The following EFNA5 variants were observed in gnomAD, a reference collection of about 807,000 sequenced individuals.
EFNA5 encodes the protein ephrin A5, also known as ephrin-A5.
Under a neutral mutation model 22.9 loss-of-function variants are expected in EFNA5, and 5 were observed. The ratio of observed to expected loss-of-function variants is 0.22; its 90% CI spans 0.11 to 0.46. The LOEUF (loss-of-function observed/expected upper bound fraction) is 0.46. EFNA5 is among the 20% of genes least tolerant of loss of function. The pLI, the probability that EFNA5 is intolerant of heterozygous loss-of-function variation, is 0.99. For missense variants in EFNA5, 237 were observed against 293.3 expected, an observed-to-expected ratio of 0.81 and a Z score of 1.40; for synonymous variants, 113 against 112.2, an observed-to-expected ratio of 1.01 and a Z score of -0.04.
chr5:107,489,230 G>A (rs1451059781), intron 1 of EFNA5, among the ~76,000 whole-genome samples: 2 of 152,108 alleles, frequency 1.3e-5, no homozygotes, highest in Non-Finnish European at 2.9e-5. Context: ...CTGGAATGCA[G>A]TAGGGCAATC....
chr5:107,631,487 T>A (rs1046906238), intron 1 of EFNA5, among the ~76,000 whole-genome samples: 1 of 152,002 alleles, frequency 6.6e-6, no homozygotes, highest in African/African-American at 2.4e-5. Flanking sequence ...TAGACACTCA[T>A]TGAGCAAATA....
intron 1 of EFNA5, among the ~76,000 whole-genome samples, chr5:107,662,090 A>T (rs1750974218): frequency 6.6e-6 from 1 of 152,220 alleles, no homozygotes; most frequent in African/African-American, 2.4e-5. Context: ...AGTTCATTTA[A>T]AAACAAAAGG....
At chr5:107,442,852 C>G (rs1228071213) in intron 1 of EFNA5, among the ~76,000 whole-genome samples, 3 of 148,688 alleles carry the variant, frequency 2.0e-5, no homozygotes, top group Non-Finnish European at 4.4e-5. Flanking sequence ...TCTTTCTCTT[C>G]CAACAATACA....
At chr5:107,455,795 C>T (rs2112450869) in intron 1 of EFNA5, among the ~76,000 whole-genome samples, 1 of 152,210 alleles carries the variant, frequency 6.6e-6, no homozygotes, top group Middle Eastern at 3.4e-3. Flanking sequence ...ATAATTCTTT[C>T]CACTTTACTC....
At chr5:107,632,843 T>C (rs1750287290) in intron 1 of EFNA5, among the ~76,000 whole-genome samples, 1 of 152,242 alleles carries the variant, frequency 6.6e-6, no homozygotes, top group South Asian at 2.1e-4. Context: ...AATATTTTCC[T>C]AATCTACTAA....
At chr5:107,577,599 C>T (rs997290836) in intron 1 of EFNA5, among the ~76,000 whole-genome samples, 2 of 152,084 alleles carry the variant, frequency 1.3e-5, no homozygotes, top group African/African-American at 2.4e-5. Context: ...CTTACCCCTT[C>T]GTGTTTTGGG....
chr5:107,421,859 C>A (rs1395531419), intron 2 of EFNA5, among the ~76,000 whole-genome samples: 2 of 151,616 alleles, frequency 1.3e-5, no homozygotes, highest in Non-Finnish European at 2.9e-5. Flanking sequence ...TGGAGCGATC[C>A]CAGCTCACTG....
intron 1 of EFNA5, among the ~76,000 whole-genome samples, chr5:107,563,056 G>A (rs1194060994): frequency 6.6e-6 from 1 of 152,186 alleles, no homozygotes; most frequent in Non-Finnish European, 1.5e-5. Context: ...CAACCCTTAT[G>A]ATGACCATGA....
chr5:107,610,639 A>C (rs1268160983), intron 1 of EFNA5, among the ~76,000 whole-genome samples: 2 of 152,212 alleles, frequency 1.3e-5, no homozygotes, highest in East Asian at 1.9e-4. Context: ...TTTGCAATTG[A>C]AAAACTACAA....
chr5:107,542,558 G>C (rs922079360), intron 1 of EFNA5, among the ~76,000 whole-genome samples: 5 of 151,998 alleles, frequency 3.3e-5, no homozygotes, highest in South Asian at 2.1e-4. Context: ...GGTATAAGGG[G>C]GGGGTGCGGG....
At chr5:107,551,659 C>T (rs1041875950) in intron 1 of EFNA5, among the ~76,000 whole-genome samples, 3 of 152,030 alleles carry the variant, frequency 2.0e-5, no homozygotes, top group African/African-American at 7.2e-5. Context: ...CATATTCTTC[C>T]CTACCAAACA....
chr5:107,619,467 C>CTT (rs1164694386), intron 1 of EFNA5, among the ~76,000 whole-genome samples: 3 of 142,742 alleles, frequency 2.1e-5, no homozygotes, highest in African/African-American at 7.7e-5. Context: ...GCTGGACTTT[C>CTT]TTTTTTTTTT....
intron 1 of EFNA5, among the ~76,000 whole-genome samples, chr5:107,452,219 TG>T (rs1247829506): frequency 5.3e-5 from 8 of 151,326 alleles, no homozygotes; most frequent in Non-Finnish European, 1.2e-4. Flanking sequence ...TTACCGGGGT[TG>T]GGGGTGAGGG....
At chr5:107,639,808 C>A (rs1480297667) in intron 1 of EFNA5, among the ~76,000 whole-genome samples, 3 of 151,976 alleles carry the variant, frequency 2.0e-5, no homozygotes, top group Non-Finnish European at 4.4e-5. Flanking sequence ...AAAAAAAACC[C>A]AGTGCCAGTA....
At chr5:107,605,458 T>C (rs1431259143) in intron 1 of EFNA5, among the ~76,000 whole-genome samples, 1 of 152,100 alleles carries the variant, frequency 6.6e-6, no homozygotes, top group Non-Finnish European at 1.5e-5. Context: ...GTCATGATAA[T>C]AGTGAGAAAC....
chr5:107,581,669 T>C (rs1749075624), intron 1 of EFNA5, among the ~76,000 whole-genome samples: 1 of 152,202 alleles, frequency 6.6e-6, no homozygotes, highest in African/African-American at 2.4e-5. Flanking sequence ...GTTTCATATG[T>C]TATAACACCC....
chr5:107,481,806 C>G (rs1000656711), intron 1 of EFNA5, among the ~76,000 whole-genome samples: 11 of 150,832 alleles, frequency 7.3e-5, no homozygotes, highest in Admixed American at 1.3e-4. Flanking sequence ...GCTGAGATCA[C>G]CCCATTGCAC....
Position 107,386,461 on chromosome 5 carries a change from T to C in EFNA5, c.565+774A>G, listed in dbSNP as rs80274872. ...ATTTACAGGTTCTTATTATCCATAGTATGCGACAGACTAATGCCTCAACGA... is the reference window on the plus strand; with the variant it reads ...ATTTACAGGTTCTTATTATCCATAGCATGCGACAGACTAATGCCTCAACGA... On this transcript the variant is annotated intron_variant, in intron 4 of 4. Transcript: ENST00000333274. Among the ~76,000 whole-genome samples, 1,026 of 152,342 alleles carry C rather than the reference T, an allele frequency of 6.7e-3. 5 individuals carry two copies. Among genetic ancestry groups the C allele is most frequent in the African/African-American group, 0.024 (978 of 41,582 alleles).
At chr5:107,390,930 G>C (rs954327524) in intron 2 of EFNA5, among the ~76,000 whole-genome samples, 1 of 152,154 alleles carries the variant, frequency 6.6e-6, no homozygotes, top group African/African-American at 2.4e-5. Flanking sequence ...AGGCCAAGCC[G>C]GATGGATCAC....
Sources: allele counts gnomAD v4.1 joint callset (sites outside exome capture counted in the v4.1 genomes callset), GRCh38; gene constraint gnomAD v4.1.1; transcripts MANE v1.5; gene names NCBI Gene and HGNC (gene_info 2026-07-23, HGNC 2026-07-21).